ECT2: variants seen among roughly 807,000 people sequenced by gnomAD.
The protein encoded by ECT2 is epithelial cell transforming 2.
A neutral mutation model predicts 116.9 loss-of-function variants in ECT2; 61 were observed. That is an observed-to-expected ratio of 0.52 (90% CI 0.42 to 0.65). The LOEUF is 0.65. Among genes scored for constraint, ECT2 ranks in the 30% least tolerant of loss-of-function variants. The pLI, the probability that ECT2 is intolerant of heterozygous loss-of-function variation, is 0.00. For missense variants in ECT2, 937 were observed against 1,078.7 expected (o/e 0.87, Z 1.84); for synonymous variants, 358 against 346.4 (o/e 1.03, Z -0.37).
intron 10 of ECT2, 51 bp from the exon 11 acceptor site, chr3:172,762,859 C>T (rs1252619185): frequency 5.6e-6 from 9 of 1,610,142 alleles, no homozygotes; most frequent in Non-Finnish European, 7.6e-6. Context: ...AATAGCTTCT[C>T]TGATAAAATA....
chr3:172,755,461 T>C (rs752111487), intron 3 of ECT2, 22 bp from the exon 4 acceptor site: 18 of 1,493,588 alleles, frequency 1.2e-5, no homozygotes, highest in Non-Finnish European at 1.4e-5. Flanking sequence ...CTTAACCTCA[T>C]ACTTAAGTCT....
chr3:172,798,479 AATTTAAAAAACT>A (rs1310837631), intron 18 of ECT2, among the ~76,000 whole-genome samples: 1 of 152,196 alleles, frequency 6.6e-6, no homozygotes, highest in Non-Finnish European at 1.5e-5. Context: ...CCAAAACTCT[AATTTAAAAAACT>A]GTTGGATTCA....
At chr3:172,806,000 A>G in intron 21 of ECT2, 131 bp downstream of exon 21, 1 of 959,726 alleles carries the variant, frequency 1.0e-6, no homozygotes. Context: ...TGCTAAAGTA[A>G]TTGTTCTTGC....
chr3:172,780,123 T>C (rs1404529434), intron 14 of ECT2, among the ~76,000 whole-genome samples: 1 of 152,102 alleles, frequency 6.6e-6, no homozygotes, highest in Non-Finnish European at 1.5e-5. Flanking sequence ...ATATTTAATA[T>C]GTTATACATT....
At chr3:172,790,253 CAAGTTTAATAGAAACTGCAAAAG>C (rs1428749000) in intron 18 of ECT2, among the ~76,000 whole-genome samples, 2 of 152,218 alleles carry the variant, frequency 1.3e-5, no homozygotes, top group East Asian at 3.9e-4. Context: ...TTTGTCAGTT[CAAGTTTAATAGAAACTGCAAAAG>C]ATAATTGGCT....
In ECT2 at chr3:172,783,923, C is replaced by T. The variant is rs959110194; in HGVS notation, c.1728+14C>T. 6.7e-7 allele frequency: 1 copy of T among 1,483,156 alleles called. No homozygotes were observed. Among genetic ancestry groups the T allele is most frequent in the African/African-American group, 1.4e-5 (1 of 69,738 alleles). 91.9% of individuals were successfully genotyped at this position (1,483,156 alleles called of 1,614,324 possible). ...GCTTTTCTCAAGGTAATGTGTGTTT[C>T]TTTCAAATAAAAATTTGAGAATTAT... On this transcript the variant is annotated intron_variant, in intron 16 of 24. Coordinates refer to ENST00000392692, the MANE Select transcript of ECT2 (RefSeq NM_001258315.2).
Position 172,773,905 on chromosome 3 carries a change from A to C in ECT2, c.1431A>C (p.Leu477Phe), listed in dbSNP as rs1339725524. The change falls in exon 14 of 25, where the codon TTA (leucine) becomes TTC (phenylalanine). Residue 477 changes from leucine to phenylalanine, a missense_variant and splice_region_variant. Leu to Phe is a conservative substitution (Grantham distance 22). Coordinates refer to ENST00000392692, the MANE Select transcript of ECT2 (RefSeq NM_001258315.2). The stretch of plus-strand genomic sequence containing the variant: ...AACTAGTCTTTTTTCTCATTTAGTT[A>C]TTTCAAGTACCATTGGAAGAGGAAG... ...YVNILATIIQLFQVPLEEEGQ... is the reference protein window; with the variant it reads ...YVNILATIIQFFQVPLEEEGQ... The C allele has an allele frequency of 1.2e-6, 2 of 1,612,348 alleles. No individual in the cohort carries two copies. Among genetic ancestry groups the C allele is most frequent in the African/African-American group, 2.7e-5 (2 of 74,744 alleles).
intron 18 of ECT2, among the ~76,000 whole-genome samples, chr3:172,798,792 A>T (rs1159747939): frequency 1.3e-5 from 2 of 152,332 alleles, no homozygotes; most frequent in East Asian, 3.9e-4. Flanking sequence ...ACATAAGTCT[A>T]ATAGAAATCT....
At chr3:172,779,098 C>T (rs560448982) in intron 14 of ECT2, among the ~76,000 whole-genome samples, 5 of 152,248 alleles carry the variant, frequency 3.3e-5, no homozygotes, top group African/African-American at 1.2e-4. Flanking sequence ...ATAAAATCCT[C>T]TATGATGTAG....
At chr3:172,797,985 A>G (rs1466425094) in intron 18 of ECT2, among the ~76,000 whole-genome samples, 2 of 152,176 alleles carry the variant, frequency 1.3e-5, no homozygotes, top group Non-Finnish European at 2.9e-5. Flanking sequence ...GAGACTTTCA[A>G]CATCTTTGGC....
chr3:172,774,005 G>C lies in ECT2; in HGVS notation c.1531G>C (p.Val511Leu). ...IFGSIPDIFD[V>L]HTKIKDDLED... ...TGGTAGCATCCCAGATATCTTTGAT[G>C]TACACACTAAGATAAAGGTAAATTT... Residue 511 changes from valine (V) to leucine (L), a missense_variant, in exon 14 of 25, where the codon GTA becomes CTA. By Grantham distance (32) the Val-to-Leu change is conservative. Coordinates refer to ENST00000392692, the MANE Select transcript of ECT2 (RefSeq NM_001258315.2). 6.2e-7 allele frequency: 1 copy of C among 1,611,812 alleles called. No homozygotes were observed. Among genetic ancestry groups the C allele is most frequent in the Non-Finnish European group, 8.5e-7 (1 of 1,177,992 alleles).
In ECT2 at chr3:172,821,411, C is replaced by G. The variant is rs553063079; in HGVS notation, c.*1174C>G. On this transcript the variant is annotated 3_prime_UTR_variant, in exon 25 of 25. Coordinates refer to ENST00000392692, the MANE Select transcript of ECT2 (RefSeq NM_001258315.2). Reference sequence around the variant, plus strand: ...TCTGAGAGTAGTAAATGACTCTTTGCTACATTTTAAAAGCAATTGTATTAG... The same window carrying G: ...TCTGAGAGTAGTAAATGACTCTTTGGTACATTTTAAAAGCAATTGTATTAG... The G allele has an allele frequency of 8.1e-4, 123 of 151,956 alleles. 2 individuals carry two copies. Among genetic ancestry groups the G allele is most frequent in the Non-Finnish European group, 1.4e-3 (97 of 67,780 alleles). 9.4% of individuals were successfully genotyped at this position (151,956 alleles called of 1,614,324 possible). A position where few individuals can be genotyped will look rare whatever the true frequency, so the allele number is the denominator to read the frequency against.
intron 24 of ECT2, among the ~76,000 whole-genome samples, chr3:172,819,827 C>T (rs1044886492): frequency 1.3e-5 from 2 of 151,988 alleles, no homozygotes; most frequent in African/African-American, 4.8e-5. Flanking sequence ...TCTTTTATAA[C>T]CTGAAACACT....
intron 21 of ECT2, among the ~76,000 whole-genome samples, chr3:172,807,464 G>C (rs1202751776): frequency 6.6e-6 from 1 of 152,022 alleles, no homozygotes; most frequent in Non-Finnish European, 1.5e-5. Flanking sequence ...CATCTTGATC[G>C]TGCAACTTTT....
chr3:172,809,029 G>A (rs912301899), intron 22 of ECT2, among the ~76,000 whole-genome samples: 2 of 151,942 alleles, frequency 1.3e-5, no homozygotes, highest in African/African-American at 4.8e-5. Flanking sequence ...AAAAATGATG[G>A]AGACCACTTT....
chr3:172,804,097 A>G (rs1307075525), intron 20 of ECT2, among the ~76,000 whole-genome samples: 1 of 152,150 alleles, frequency 6.6e-6, no homozygotes, highest in East Asian at 1.9e-4. Flanking sequence ...GGCGTGAGCC[A>G]CTGCACCTGC....
rs1234561790 is a variant in ECT2 at position 172,754,650 on chromosome 3, A to T, written c.120A>T (p.Ser40=). The T allele has an allele frequency of 6.2e-7, 1 of 1,605,732 alleles. No homozygotes were observed. The highest frequency in any genetic ancestry group is 2.2e-5 in the East Asian group (1 of 44,728). ...AAAACTTACTTATTGGATCTACTTC[A>T]TATGTAGAAGGTAAACCTGTTACCT... ...SKENLLIGST[S]YVEEEMPQIE... is the part of the protein sequence containing the mutation. Residue 40 remains serine, a synonymous_variant, in exon 2 of 25, where the codon TCA becomes TCT. Coordinates refer to ENST00000392692, the MANE Select transcript of ECT2 (RefSeq NM_001258315.2).
intron 1 of ECT2, 137 bp downstream of exon 1, chr3:172,750,994 C>G (rs974182151): frequency 6.6e-6 from 1 of 152,282 alleles, no homozygotes; most frequent in Non-Finnish European, 1.5e-5. Context: ...TTCCCGGATC[C>G]GGGAACTCCC....
In ECT2 at chr3:172,755,593, A is replaced by G; in HGVS notation, c.303+18A>G. The G allele has an allele frequency of 7.9e-7, 1 of 1,271,948 alleles. No homozygotes were observed. The highest frequency in any genetic ancestry group is 1.1e-6 in the Non-Finnish European group (1 of 930,564). 78.8% of individuals were successfully genotyped at this position (1,271,948 alleles called of 1,614,324 possible). On this transcript the variant is annotated intron_variant, in intron 4 of 24. Transcript: ENST00000392692. ...TTAATATGGTAGGTCAAAGTAACTC[A>G]TTGCATGTGGCATGCTGCACTTCCC...
Sources: gnomAD v4.1 joint callset for allele counts (sites outside exome capture counted in the v4.1 genomes callset) on GRCh38, gnomAD v4.1.1 for gene constraint, MANE v1.5 for transcripts, NCBI Gene and HGNC (gene_info 2026-07-23, HGNC 2026-07-21) for gene names.